Variants in RBFOX1 observed in about 807,000 individuals in gnomAD.
The protein encoded by RBFOX1 is RNA binding protein fox-1 homolog 1.
A neutral mutation model predicts 57.7 loss-of-function variants in RBFOX1; 8 were observed. The observed-to-expected ratio is 0.14, with a 90% CI of 0.08 to 0.25. The LOEUF is 0.25. RBFOX1 is among the 10% of genes least tolerant of loss of function. The pLI is 1.00. For missense variants in RBFOX1, 611 were observed against 548.5 expected (o/e 1.11, Z -1.14); for synonymous variants, 326 against 222.4 (o/e 1.47, Z -4.15).
chr16:5,400,107 C>CT lies in RBFOX1; in HGVS notation c.220-67099dup, dbSNP rs1007236848. Reference sequence around the variant, plus strand: ...TCTTTTTTCTTTTCTTTCTTTCTTTCTTTTTTTTTTGAGACAGAGTCTCGC... The same window carrying CT: ...TCTTTTTTCTTTTCTTTCTTTCTTTCTTTTTTTTTTTGAGACAGAGTCTCGC... On this transcript the variant is annotated intron_variant, in intron 1 of 2. Coordinates refer to the RBFOX1 transcript ENST00000585867. 9.7e-4 allele frequency among the ~76,000 whole-genome samples: 144 copies of CT among 148,212 alleles called. 2 individuals are homozygous for CT. The highest frequency in any genetic ancestry group is 2.8e-3 in the Admixed American group (41 of 14,806).
At chr16:6,484,595 C>G (rs1212561435) in intron 2 of RBFOX1, among the ~76,000 whole-genome samples, 1 of 152,084 alleles carries the variant, frequency 6.6e-6, no homozygotes, top group Non-Finnish European at 1.5e-5. Flanking sequence ...ATCCATCAGT[C>G]TACAATGATC....
chr16:6,034,364 A>G (rs1052055553), intron 1 of RBFOX1, among the ~76,000 whole-genome samples: 24 of 150,314 alleles, frequency 1.6e-4, no homozygotes, highest in African/African-American at 5.9e-4. Flanking sequence ...AAAAGAAAAG[A>G]AAAGAAAAGA....
At chr16:6,963,120 C>G (rs957755562) in intron 3 of RBFOX1, among the ~76,000 whole-genome samples, 1 of 152,132 alleles carries the variant, frequency 6.6e-6, no homozygotes, top group African/African-American at 2.4e-5. Flanking sequence ...AGATTCACCT[C>G]TGGGTGCAGG....
intron 4 of RBFOX1, among the ~76,000 whole-genome samples, chr16:7,243,200 C>G (rs2152980954): frequency 6.6e-6 from 1 of 152,266 alleles, no homozygotes; most frequent in African/African-American, 2.4e-5. Context: ...ATATTGATCT[C>G]TTGCTACGTG....
At chr16:6,898,069 G>C (rs1196443767) in intron 3 of RBFOX1, among the ~76,000 whole-genome samples, 1 of 152,188 alleles carries the variant, frequency 6.6e-6, no homozygotes, top group Non-Finnish European at 1.5e-5. Context: ...CCTGATACTT[G>C]GCAGTTATTT....
intron 1 of RBFOX1, among the ~76,000 whole-genome samples, chr16:5,260,262 TAATG>T (rs930790569): frequency 8.6e-5 from 13 of 152,026 alleles, no homozygotes; most frequent in Admixed American, 2.0e-4. Flanking sequence ...TCAAAAAAAT[TAATG>T]AATACAGAAA....
At chr16:6,096,618 C>A (rs1009624724) in intron 1 of RBFOX1, among the ~76,000 whole-genome samples, 1 of 152,100 alleles carries the variant, frequency 6.6e-6, no homozygotes, top group African/African-American at 2.4e-5. Flanking sequence ...TTCTGTGAAC[C>A]AACACTTTCT....
intron 4 of RBFOX1, among the ~76,000 whole-genome samples, chr16:7,454,733 A>T (rs991489832): frequency 1.3e-5 from 2 of 152,318 alleles, no homozygotes; most frequent in East Asian, 1.9e-4. Flanking sequence ...CCATCTCTCG[A>T]TGTATACATT....
At chr16:5,316,887 T>A (rs1217962901) in intron 1 of RBFOX1, among the ~76,000 whole-genome samples, 1 of 152,056 alleles carries the variant, frequency 6.6e-6, no homozygotes, top group Non-Finnish European at 1.5e-5. Flanking sequence ...CTCCTTTATA[T>A]GGGTGGGCAG....
intron 2 of RBFOX1, among the ~76,000 whole-genome samples, chr16:6,541,507 C>A (rs1001941426): frequency 6.6e-6 from 1 of 152,156 alleles, no homozygotes; most frequent in South Asian, 2.1e-4. Context: ...AGTGTCACAT[C>A]AGGGTGACGT....
At chr16:7,256,897 G>A (rs916684483) in intron 4 of RBFOX1, among the ~76,000 whole-genome samples, 4 of 152,014 alleles carry the variant, frequency 2.6e-5, no homozygotes, top group African/African-American at 9.7e-5. Context: ...CATCACACCC[G>A]GGAAACCTAC....
intron 4 of RBFOX1, among the ~76,000 whole-genome samples, chr16:7,222,472 A>G (rs1445646750): frequency 6.6e-6 from 1 of 152,166 alleles, no homozygotes; most frequent in Non-Finnish European, 1.5e-5. Context: ...CCCCCTTGAA[A>G]AGTTGGCAAT....
At chr16:6,654,554 C>A (rs12921150) in intron 2 of RBFOX1, 49 bp from the exon 3 acceptor site, 305,911 of 1,410,080 alleles carry the variant, frequency 0.22, 34,036 homozygotes, top group Middle Eastern at 0.24. Flanking sequence ...GACCATAAGT[C>A]TGACTCCTGT....
At chr16:6,690,508 A>T (rs1266585274) in intron 3 of RBFOX1, among the ~76,000 whole-genome samples, 1 of 152,122 alleles carries the variant, frequency 6.6e-6, no homozygotes, top group Non-Finnish European at 1.5e-5. Flanking sequence ...TTGTTTAAAA[A>T]AATAGTATAT....
At chr16:5,872,766 A>G (rs891172630) in intron 4 of RBFOX1, among the ~76,000 whole-genome samples, 2 of 152,064 alleles carry the variant, frequency 1.3e-5, no homozygotes, top group African/African-American at 4.8e-5. Context: ...AGAAAATAAT[A>G]CAATGCTTAA....
At chr16:6,141,631 T>G in intron 1 of RBFOX1, among the ~76,000 whole-genome samples, 1 of 152,240 alleles carries the variant, frequency 6.6e-6, no homozygotes, top group Non-Finnish European at 1.5e-5. Flanking sequence ...ATATTTTCCT[T>G]TCTAATTTCT....
At chr16:5,606,989 C>G (rs1450642868) in intron 3 of RBFOX1, among the ~76,000 whole-genome samples, 1 of 152,168 alleles carries the variant, frequency 6.6e-6, no homozygotes, top group Non-Finnish European at 1.5e-5. Flanking sequence ...AGGTTTTAAG[C>G]TGGTGATTGT....
chr16:6,483,030 G>A (rs902517367), intron 2 of RBFOX1: 1 of 636,978 alleles, frequency 1.6e-6, no homozygotes, highest in Non-Finnish European at 2.0e-6. Context: ...GTGCGGGCGA[G>A]AGAGGGCGAG....
At position 6,643,912 on chromosome 16, in the gene RBFOX1, G is replaced by T. The variant is rs1360039857; in HGVS notation, c.-63-10691G>T. ...AGGCCAAGGTAGGTGGATCACCTGA[G>T]GTCAGGAGTTTGAGACCAGCCTGGC... is the stretch of plus-strand genomic sequence containing the variant. On this transcript the variant is annotated intron_variant, in intron 2 of 15. Transcript: ENST00000550418. 2.6e-5 allele frequency among the ~76,000 whole-genome samples: 4 copies of T among 152,194 alleles called. No homozygotes were observed. The East Asian group carries it at 7.7e-4, about 29-fold the overall frequency.
Sources: gnomAD v4.1 joint callset for allele counts (sites outside exome capture counted in the v4.1 genomes callset) on GRCh38, gnomAD v4.1.1 for gene constraint, MANE v1.5 for transcripts, NCBI Gene and HGNC (gene_info 2026-07-23, HGNC 2026-07-21) for gene names.